MUC13: variants seen among roughly 807,000 people sequenced by gnomAD.
The protein encoded by MUC13 is mucin-13.
Under a neutral mutation model 48.3 loss-of-function variants are expected in MUC13, and 32 were observed. The ratio of observed to expected loss-of-function variants is 0.66; its 90% confidence interval spans 0.50 to 0.89. The LOEUF is 0.89. Among genes scored for constraint, MUC13 ranks in the 40% least tolerant of loss-of-function variants. The probability of loss-of-function intolerance (pLI) is 0.00; values close to 1 mark genes in which losing one functional copy is unlikely to be tolerated. For missense variants in MUC13, 571 were observed against 622.8 expected, an observed-to-expected ratio of 0.92 and a Z score of 0.88; for synonymous variants, 199 against 224.9, an observed-to-expected ratio of 0.88 and a Z score of 1.03.
At chr3:124,920,998 C>T (rs968187944) in intron 4 of MUC13, among the ~76,000 whole-genome samples, 32 of 152,326 alleles carry the variant, frequency 2.1e-4, no homozygotes, top group African/African-American at 6.3e-4. Context: ...GCTGTGCAGT[C>T]GGAAGCACTA....
At chr3:124,917,447 G>A (rs9826731) in intron 5 of MUC13, among the ~76,000 whole-genome samples, 111,245 of 151,230 alleles carry the variant, frequency 0.74, 41,086 homozygotes, top group East Asian at 0.89. Context: ...CCTGGGCTCA[G>A]CTTATCCTGC....
At chr3:124,922,450 C>G (rs1046050569) in intron 3 of MUC13, 147 bp from the exon 4 acceptor site, 110 of 1,029,400 alleles carry the variant, frequency 1.1e-4, no homozygotes, top group Non-Finnish European at 1.4e-4. Flanking sequence ...AGTTACCCAT[C>G]ATCCTGCCCA....
At chr3:124,920,008 A>C (rs1002166015) in intron 5 of MUC13, among the ~76,000 whole-genome samples, 23 of 152,190 alleles carry the variant, frequency 1.5e-4, no homozygotes, top group African/African-American at 5.3e-4. Context: ...CCAATCACAG[A>C]CAGAATTTTG....
chr3:124,933,995 G>T (rs543669049), intron 1 of MUC13, among the ~76,000 whole-genome samples: 5 of 152,310 alleles, frequency 3.3e-5, no homozygotes, highest in African/African-American at 1.2e-4. Flanking sequence ...AAGTACATTT[G>T]TGAAAGGAGG....
rs760603561 is a variant in MUC13 at position 124,916,423 on chromosome 3, T to A, written c.858A>T (p.Thr286=). Residue 286 remains threonine (T), a synonymous_variant, in exon 6 of 12, where the codon ACA becomes ACT. Transcript: ENST00000616727. The stretch of plus-strand genomic sequence containing the variant: ...TGGTTTCTGCCAAAATTGTTACTAT[T>A]GTTACATTAACAAACTTGTCATCAG... ...MRADDKFVNV[T]IVTILAETTS... is the part of the protein sequence containing the mutation. 9.0e-5 allele frequency: 146 copies of A among 1,613,736 alleles called. No individual in the cohort carries two copies. The highest frequency in any genetic ancestry group is 1.2e-4 in the Non-Finnish European group (142 of 1,179,910).
chr3:124,923,396 G>T, intron 3 of MUC13, 131 bp downstream of exon 3: 1 of 931,064 alleles, frequency 1.1e-6, no homozygotes, highest in Non-Finnish European at 1.6e-6. Context: ...CTACTTTGCT[G>T]GCCTTTGTTG....
At chr3:124,925,234 G>A (rs1935667344) in intron 2 of MUC13, among the ~76,000 whole-genome samples, 2 of 152,330 alleles carry the variant, frequency 1.3e-5, no homozygotes, top group South Asian at 4.1e-4. Context: ...GCTACATAAT[G>A]TATGATTCCA....
In MUC13 at chr3:124,933,248, T is replaced by C. The variant is rs1157616792; in HGVS notation, c.52+1413A>G. On this transcript the variant is annotated intron_variant, in intron 1 of 11. Coordinates refer to ENST00000616727, the MANE Select transcript of MUC13 (RefSeq NM_033049.4). ...TTCATACATCTGCCTTATCAAATAC[T>C]TTCTTCCTTTCTGCAAGCAGCTTCT... Among the ~76,000 whole-genome samples, 5 of 152,216 alleles carry C rather than the reference T, an allele frequency of 3.3e-5. No individual in the cohort carries two copies. In the East Asian group the frequency reaches 9.6e-4, roughly 29 times the overall value.
intron 5 of MUC13, among the ~76,000 whole-genome samples, chr3:124,918,295 G>A (rs940276164): frequency 2.6e-5 from 4 of 152,188 alleles, no homozygotes; most frequent in Admixed American, 6.5e-5. Flanking sequence ...AGGTGCATTT[G>A]CCCTGCACTG....
chr3:124,929,166 C>A (rs752577861), intron 1 of MUC13, among the ~76,000 whole-genome samples: 1 of 146,592 alleles, frequency 6.8e-6, no homozygotes, highest in Admixed American at 7.2e-5. Flanking sequence ...TTTCTTCCCC[C>A]ACTCTTTTAT....
At chr3:124,920,204 T>C in intron 5 of MUC13, 30 bp downstream of exon 5, 11 of 1,586,382 alleles carry the variant, frequency 6.9e-6, no homozygotes, top group Non-Finnish European at 9.5e-6. Flanking sequence ...GACACACATC[T>C]GCCTCCAAAA....
intron 1 of MUC13, among the ~76,000 whole-genome samples, chr3:124,932,576 A>G (rs1166557942): frequency 1.3e-5 from 2 of 152,130 alleles, no homozygotes; most frequent in Admixed American, 6.5e-5. Flanking sequence ...CAAAAAAAAA[A>G]AAAGAAAGAA....
intron 10 of MUC13, 111 bp from the exon 11 acceptor site, chr3:124,908,459 T>C (rs2107666768): frequency 1.1e-6 from 1 of 907,224 alleles, no homozygotes; most frequent in African/African-American, 1.7e-5. Context: ...CTCACATTTA[T>C]TTGTAAGTTA....
In MUC13 at chr3:124,913,555, C is replaced by G. The variant is rs767326850; in HGVS notation, c.1084+7G>C. On this transcript the variant is annotated splice_region_variant and intron_variant, in intron 7 of 11. Transcript: ENST00000616727. Reference sequence around the variant, plus strand: ...GAAGAACATTTAGAAGCAGGTGAAACACTTACCAACGCAGAAAGGGCTCTG... The same window carrying G: ...GAAGAACATTTAGAAGCAGGTGAAAGACTTACCAACGCAGAAAGGGCTCTG... 6.2e-7 allele frequency: 1 copy of G among 1,614,152 alleles called. No homozygotes were observed. The highest frequency in any genetic ancestry group is 8.5e-7 in the Non-Finnish European group (1 of 1,180,016).
intron 1 of MUC13, among the ~76,000 whole-genome samples, chr3:124,932,647 C>T (rs1255519466): frequency 6.6e-6 from 1 of 152,170 alleles, no homozygotes; most frequent in East Asian, 1.9e-4. Flanking sequence ...TATTAAGCCC[C>T]TATGTGCCAG....
chr3:124,916,267 A>C, intron 6 of MUC13, 50 bp downstream of exon 6: 1 of 1,408,210 alleles, frequency 7.1e-7, no homozygotes, highest in South Asian at 1.2e-5. Context: ...TTTACAAAAA[A>C]GGTAGGTAGG....
chr3:124,908,293 G>C lies in MUC13; in HGVS notation c.1393C>G (p.Gln465Glu), dbSNP rs746125998. ...CCTGTCGACCGCAGTTTTAGATTTT[G>C]AAAGTCTTCGTCAATCAAGTTCTCT... The part of the protein sequence containing the change: ...EEENLIDEDF[Q>E]NLKLRSTGFT... Residue 465 changes from glutamine to glutamate, a missense_variant, in exon 11 of 12, where the codon CAA becomes GAA. By Grantham distance (29) the Gln-to-Glu change is conservative (BLOSUM62 2). Transcript: ENST00000616727. The C allele has an allele frequency of 1.9e-6, 3 of 1,614,088 alleles. No homozygotes were observed. The African/African-American group carries it at 4.0e-5, about 22-fold the overall frequency.
At chr3:124,914,754 C>T (rs961250664) in intron 6 of MUC13, among the ~76,000 whole-genome samples, 6 of 152,098 alleles carry the variant, frequency 3.9e-5, no homozygotes, top group Non-Finnish European at 7.4e-5. Flanking sequence ...TGGCGAAAAC[C>T]GTCTCTACTA....
At position 124,907,644 on chromosome 3, in the gene MUC13, T is replaced by TTA. The variant is rs766187013; in HGVS notation, c.*501_*502dup. ...AAACAACAACAACAACAAATAGAAC[T>TTA]TATATATATATATAGAGAGAGAGAG... is the stretch of plus-strand genomic sequence containing the variant. On this transcript the variant is annotated intron_variant, in intron 11 of 11. Transcript: ENST00000616727. Among the ~76,000 whole-genome samples the TTA allele has an allele frequency of 6.0e-3, 857 of 142,592 alleles. 14 individuals are homozygous for TTA. Among genetic ancestry groups the TTA allele is most frequent in the Admixed American group, 0.037 (509 of 13,906 alleles). The allele number at this position is 142,592 out of a possible 152,430, so 93.5% of individuals were successfully genotyped here. A position where few individuals can be genotyped will look rare whatever the true frequency, so the allele number is the denominator to read the frequency against.
Sources: allele counts gnomAD v4.1 joint callset (sites outside exome capture counted in the v4.1 genomes callset), GRCh38; gene constraint gnomAD v4.1.1; transcripts MANE v1.5; gene names NCBI Gene and HGNC (gene_info 2026-07-23, HGNC 2026-07-21).